The following AMPH variants were observed in gnomAD, a reference collection of about 807,000 sequenced individuals.
The protein encoded by AMPH is amphiphysin, also known as amphiphysin (Stiff-Mann syndrome with breast cancer 128kD autoantigen).
A neutral mutation model predicts 99.1 loss-of-function variants in AMPH; 49 were observed. The observed-to-expected ratio is 0.49, with a 90% confidence interval of 0.39 to 0.63. The LOEUF is 0.63. AMPH is among the 20% of genes least tolerant of loss of function. AMPH has a pLI of 0.00. For missense variants in AMPH, 759 were observed against 863.4 expected, an observed-to-expected ratio of 0.88 and a Z score of 1.52; for synonymous variants, 314 against 317.3, an observed-to-expected ratio of 0.99 and a Z score of 0.11.
intron 2 of AMPH, among the ~76,000 whole-genome samples, chr7:38,507,923 A>C (rs1388399470): frequency 6.6e-6 from 1 of 152,170 alleles, no homozygotes; most frequent in Non-Finnish European, 1.5e-5. Flanking sequence ...CGGGTGTGGG[A>C]AATTATTGAG....
At chr7:38,563,129 T>TGAA (rs1367318683) in intron 1 of AMPH, among the ~76,000 whole-genome samples, 1 of 123,646 alleles carries the variant, frequency 8.1e-6, no homozygotes, top group East Asian at 2.5e-4. Flanking sequence ...TGTTAAGCAC[T>TGAA]GAATGATGAA....
intron 2 of AMPH, among the ~76,000 whole-genome samples, chr7:38,507,124 C>T (rs113214043): frequency 2.0e-5 from 3 of 152,244 alleles, no homozygotes; most frequent in African/African-American, 7.2e-5. Context: ...CCTTTTCCTT[C>T]AGTAGAAATA....
intron 1 of AMPH, among the ~76,000 whole-genome samples, chr7:38,588,858 C>T (rs1213660152): frequency 6.6e-6 from 1 of 152,042 alleles, no homozygotes; most frequent in Non-Finnish European, 1.5e-5. Flanking sequence ...AGGATTGAGG[C>T]CATAATTGTT....
At chr7:38,393,066 C>A (rs571381384) in intron 18 of AMPH, among the ~76,000 whole-genome samples, 12 of 152,254 alleles carry the variant, frequency 7.9e-5, no homozygotes, top group African/African-American at 2.9e-4. Context: ...CACTAACATT[C>A]GTCAACTTGG....
intron 1 of AMPH, among the ~76,000 whole-genome samples, chr7:38,629,644 C>A (rs1004528076): frequency 2.0e-5 from 3 of 152,194 alleles, no homozygotes; most frequent in African/African-American, 7.2e-5. Context: ...AATTCCTTCA[C>A]AGATGGAAAG....
At chr7:38,525,445 CGTGTGTGTGTGT>C (rs146505083) in intron 2 of AMPH, among the ~76,000 whole-genome samples, 184 of 125,486 alleles carry the variant, frequency 1.5e-3, no homozygotes, top group African/African-American at 4.5e-3. Flanking sequence ...CTCATTTGTG[CGTGTGTGTGTGT>C]GTGTGTGTGT....
chr7:38,452,842 T>A (rs1452843915), intron 11 of AMPH, among the ~76,000 whole-genome samples: 1 of 152,182 alleles, frequency 6.6e-6, no homozygotes, highest in Non-Finnish European at 1.5e-5. Context: ...AATCAGAAAC[T>A]GCTGGATGGG....
chr7:38,514,679 T>G (rs75544006), intron 2 of AMPH, among the ~76,000 whole-genome samples: 1 of 152,152 alleles, frequency 6.6e-6, no homozygotes. Flanking sequence ...TTTTCCGTTT[T>G]GTGTACTTGC....
At chr7:38,527,291 C>T (rs964297772) in intron 2 of AMPH, among the ~76,000 whole-genome samples, 1 of 152,188 alleles carries the variant, frequency 6.6e-6, no homozygotes, top group Non-Finnish European at 1.5e-5. Context: ...TCATAAAAAA[C>T]ATGCTGTAGA....
chr7:38,400,084 T>C (rs1377518001), intron 17 of AMPH, among the ~76,000 whole-genome samples: 1 of 152,170 alleles, frequency 6.6e-6, no homozygotes, highest in Non-Finnish European at 1.5e-5. Flanking sequence ...TTCTTTCTTT[T>C]TCTTTTTTGA....
chr7:38,486,946 T>C (rs1308765018), intron 5 of AMPH, among the ~76,000 whole-genome samples: 4 of 152,090 alleles, frequency 2.6e-5, no homozygotes, highest in Non-Finnish European at 5.9e-5. Flanking sequence ...AAAGGCCATA[T>C]ATGAAAAGCT....
Position 38,494,666 on chromosome 7 carries a change from C to T in AMPH, c.206-139G>A, listed in dbSNP as rs1472955642. ...AAAAACTATAAAGGCACAACTGCTG[C>T]TTGTATCTGCTGTTGTATCTTTCTT... On this transcript the variant is annotated intron_variant, in intron 3 of 20. Transcript: ENST00000356264. 1.1e-5 allele frequency: 7 copies of T among 665,948 alleles called. No individual in the cohort carries two copies. The East Asian group carries it at 1.4e-4, about 14-fold the overall frequency. 41.3% of individuals were successfully genotyped at this position (665,948 alleles called of 1,614,324 possible).
rs751656285 is a variant in AMPH, at chr7:38,391,882, G to T, written c.1744C>A (p.Pro582Thr). 6.2e-7 allele frequency: 1 copy of T among 1,612,848 alleles called. No individual in the cohort carries two copies. The highest frequency in any genetic ancestry group is 2.2e-5 in the East Asian group (1 of 44,856). Residue 582 changes from proline (P) to threonine (T), a missense_variant, in exon 19 of 21, where the codon CCG becomes ACG. Physicochemically the swap from Pro to Thr is conservative, Grantham distance 38 (BLOSUM62 -1). Around this residue, in one of 2 missense-constraint regions of AMPH, gnomAD observed 554 missense variants for 575.6 expected, o/e 0.96. Coordinates refer to ENST00000356264, the MANE Select transcript of AMPH (RefSeq NM_001635.4). ...AAPPGPTSET[P>T]ELATEQKPIQ... is the part of the protein sequence containing the mutation. ...GGCTTCTGCTCCGTAGCCAGCTCCG[G>T]TGTCTCGCTGGTGGGGCCCGGAGGA...
chr7:38,407,046 CTCTA>C (rs1350832012), intron 17 of AMPH, among the ~76,000 whole-genome samples: 1 of 15,078 alleles, frequency 6.6e-5, no homozygotes, highest in Non-Finnish European at 1.4e-4. Context: ...CTCTCTCTCT[CTCTA>C]TATATATATA....
intron 10 of AMPH, among the ~76,000 whole-genome samples, chr7:38,461,769 T>C (rs540447529): frequency 1.3e-5 from 2 of 152,336 alleles, no homozygotes; most frequent in African/African-American, 4.8e-5. Context: ...GGAAATAAAT[T>C]AAAATTTCAA....
intron 1 of AMPH, among the ~76,000 whole-genome samples, chr7:38,563,768 A>G (rs1310764276): frequency 2.0e-5 from 3 of 152,252 alleles, no homozygotes; most frequent in Non-Finnish European, 4.4e-5. Context: ...GAAAGTCTAA[A>G]GAAAAGAAAT....
intron 2 of AMPH, among the ~76,000 whole-genome samples, chr7:38,527,994 T>A (rs554533484): frequency 2.6e-5 from 4 of 152,324 alleles, no homozygotes; most frequent in Admixed American, 2.6e-4. Context: ...TCTACATCAA[T>A]TTATATGATC....
intron 17 of AMPH, among the ~76,000 whole-genome samples, chr7:38,410,649 T>C (rs1785186935): frequency 6.6e-6 from 1 of 152,212 alleles, no homozygotes; most frequent in African/African-American, 2.4e-5. Context: ...GAGGTTATCA[T>C]GTACAACCCT....
intron 1 of AMPH, among the ~76,000 whole-genome samples, chr7:38,550,093 G>A (rs562280960): frequency 3.9e-4 from 59 of 152,292 alleles, no homozygotes; most frequent in African/African-American, 1.4e-3. Flanking sequence ...TTATAGCATA[G>A]CTTCCAAGAA....
Sources: gnomAD v4.1 joint callset for allele counts (sites outside exome capture counted in the v4.1 genomes callset) on GRCh38, gnomAD v4.1.1 for gene constraint, gnomAD v4.1.1 regional missense constraint, MANE v1.5 for transcripts, NCBI Gene and HGNC (gene_info 2026-07-23, HGNC 2026-07-21) for gene names.